The following PLA1A variants were observed in gnomAD, a reference collection of about 807,000 sequenced individuals.
The protein encoded by PLA1A is phosphatidylserine-specific phospholipase A1alpha.
In PLA1A, 47 loss-of-function variants were observed where a neutral mutation model predicts 49.4. That is an observed-to-expected ratio of 0.95 (90% CI 0.75 to 1.21). The LOEUF (loss-of-function observed/expected upper bound fraction) is 1.21. Among genes scored for constraint, PLA1A ranks in the 50% most tolerant of loss-of-function variants. The probability of loss-of-function intolerance (pLI) is 0.00; values close to 1 mark genes in which losing one functional copy is unlikely to be tolerated. For missense variants in PLA1A, 561 were observed against 563.9 expected, an observed-to-expected ratio of 0.99 and a Z score of 0.05; for synonymous variants, 224 against 207.9, an observed-to-expected ratio of 1.08 and a Z score of -0.67.
intron 8 of PLA1A, among the ~76,000 whole-genome samples, chr3:119,620,694 A>G (rs2082917170): frequency 6.6e-6 from 1 of 152,220 alleles, no homozygotes; most frequent in African/African-American, 2.4e-5. Flanking sequence ...CCCTTAGTCA[A>G]TCAGAGAATT....
intron 5 of PLA1A, among the ~76,000 whole-genome samples, chr3:119,613,800 A>G (rs962786492): frequency 8.5e-5 from 13 of 152,162 alleles, no homozygotes; most frequent in East Asian, 3.9e-4. Flanking sequence ...GGCTGAGGCA[A>G]GAGAATGGCG....
rs143661120 is a variant in PLA1A, at chr3:119,617,992, C to A, written c.755-27C>A. 4.5e-6 allele frequency: 7 copies of A among 1,566,242 alleles called. No homozygotes were observed. The African/African-American group carries it at 9.6e-5, about 21-fold the overall frequency. On this transcript the variant is annotated intron_variant, in intron 6 of 10. Transcript: ENST00000273371. ...AGATTTCCATTTGTCTTGACTGAAA[C>A]CTTGGTTGTGTTTTTTCTCTGTTCA... is the stretch of plus-strand genomic sequence containing the variant.
intron 1 of PLA1A, among the ~76,000 whole-genome samples, chr3:119,606,474 G>A (rs1442031346): frequency 6.6e-6 from 1 of 152,128 alleles, no homozygotes; most frequent in African/African-American, 2.4e-5. Flanking sequence ...ATGAATTTTG[G>A]GGGATGAGAC....
chr3:119,615,479 T>C (rs1336593267), intron 5 of PLA1A, among the ~76,000 whole-genome samples: 2 of 152,226 alleles, frequency 1.3e-5, no homozygotes, highest in African/African-American at 2.4e-5. Flanking sequence ...TGTTACAGGA[T>C]ATTGTTCTTG....
In PLA1A at chr3:119,616,026, AT is replaced by A. The variant is rs2082843458; in HGVS notation, c.681del (p.Val229LeufsTer28). 1 of 1,611,836 alleles carries A rather than the reference AT, an allele frequency of 6.2e-7. No individual in the cohort carries two copies. The highest frequency in any genetic ancestry group is 1.1e-5 in the South Asian group (1 of 91,022). On this transcript the variant is annotated frameshift_variant, in exon 6 of 11. Transcript: ENST00000273371. LOFTEE classifies it high-confidence loss of function. ...HTDTDNLGIR[I>X]PVGHVDYFVN... ...CCTCCTTTCAGATTTGGGTATTCGG[AT>A]TCCCGTTGGACATGTGGACTACTTC...
chr3:119,600,609 C>T (rs188483603), intron 1 of PLA1A, among the ~76,000 whole-genome samples: 3 of 152,208 alleles, frequency 2.0e-5, no homozygotes, highest in Non-Finnish European at 4.4e-5. Flanking sequence ...TTCAATAAGC[C>T]AAAAGCCTTG....
In PLA1A at chr3:119,614,605, CAAAAAAAAAAAAAA is replaced by C. The variant is rs57980425; in HGVS notation, c.665-1396_665-1383del. On this transcript the variant is annotated intron_variant, in intron 5 of 10. Transcript: ENST00000273371. Reference sequence around the variant, plus strand: ...TGGGTGACAGAGTGAGACTTCGTCTCAAAAAAAAAAAAAAAAAAAAAAAAGTGAATCCTTTCTAT... The same window carrying C: ...TGGGTGACAGAGTGAGACTTCGTCTCAAAAAAAAAAGTGAATCCTTTCTAT... Among the ~76,000 whole-genome samples the C allele has an allele frequency of 1.9e-4, 13 of 67,998 alleles. No individual in the cohort carries two copies. The East Asian group carries it at 4.6e-3, about 24-fold the overall frequency. 44.6% of individuals were successfully genotyped at this position (67,998 alleles called of 152,430 possible). A position where few individuals can be genotyped will look rare whatever the true frequency, so the allele number is the denominator to read the frequency against.
chr3:119,600,579 G>C (rs2082605482), intron 1 of PLA1A, among the ~76,000 whole-genome samples: 1 of 152,126 alleles, frequency 6.6e-6, no homozygotes, highest in South Asian at 2.1e-4. Flanking sequence ...CCTCACCCAG[G>C]CCCAGGCACA....
At chr3:119,615,847 A>AAAAGG (rs540836432) in intron 5 of PLA1A, among the ~76,000 whole-genome samples, 165 bp from the exon 6 acceptor site, 251 of 151,688 alleles carry the variant, frequency 1.7e-3, no homozygotes, top group Non-Finnish European at 2.6e-3. Flanking sequence ...AAAAGAAAAG[A>AAAAGG]AAAGAAAAGA....
chr3:119,600,281 A>G, intron 1 of PLA1A: 2 of 658,904 alleles, frequency 3.0e-6, no homozygotes, highest in East Asian at 5.4e-5. Flanking sequence ...AGTCACACCT[A>G]GTTTTTCCTT....
chr3:119,608,129 A>C (rs939745898), intron 2 of PLA1A, among the ~76,000 whole-genome samples: 1 of 151,958 alleles, frequency 6.6e-6, no homozygotes, highest in African/African-American at 2.4e-5. Context: ...ATGCTTGCTG[A>C]ATAAATCAGT....
At chr3:119,607,074 AC>A in intron 2 of PLA1A, 99 bp downstream of exon 2, 1 of 916,222 alleles carries the variant, frequency 1.1e-6, no homozygotes, top group Non-Finnish European at 1.8e-6. Context: ...GAATGAATTT[AC>A]CAATGGCCAC....
intron 8 of PLA1A, 65 bp downstream of exon 8, chr3:119,619,717 G>T: frequency 4.5e-6 from 5 of 1,102,996 alleles, no homozygotes; most frequent in Non-Finnish European, 7.0e-6. Context: ...CCAGCCCAGT[G>T]TGGTAGCCTG....
rs146515048 is a variant in PLA1A, at chr3:119,629,430, G to A, written c.1333G>A (p.Val445Met). The change falls in exon 11 of 11, where the codon GTG becomes ATG. Residue 445 changes from valine (V) to methionine (M), a missense_variant. By Grantham distance (21) the Val-to-Met change is conservative. Coordinates refer to ENST00000273371, the MANE Select transcript of PLA1A (RefSeq NM_015900.4). The part of the protein sequence containing the change: ...LPEPVNLQAS[V>M]TVSCDLKIAC... ...TGAACCAGTGAACTTACAAGCAAGT[G>A]TGACTGTTTCCTGTGACCTGAAGAT... The A allele has an allele frequency of 9.5e-5, 153 of 1,611,732 alleles. No homozygotes were observed. The highest frequency in any genetic ancestry group is 5.0e-4 in the Middle Eastern group (3 of 6,052).
intron 8 of PLA1A, among the ~76,000 whole-genome samples, chr3:119,622,134 AGAGGAG>A (rs1301974915): frequency 2.8e-5 from 4 of 145,440 alleles, no homozygotes; most frequent in Admixed American, 1.4e-4. Context: ...AAGAAGAGGA[AGAGGAG>A]GAGGAGGAGG....
chr3:119,619,967 T>G (rs763467028), intron 8 of PLA1A: 15 of 449,202 alleles, frequency 3.3e-5, no homozygotes, highest in Admixed American at 2.3e-4. Flanking sequence ...GCACTCTCAT[T>G]TCCCACTTCT....
Position 119,625,119 on chromosome 3 carries a change from C to A in PLA1A, c.1013-5C>A. ...GCCAGTCTCTGTTGTGCTTTGGTTT[C>A]CTAGTGCATCACAGCCTCGTGGAGT... is the stretch of plus-strand genomic sequence containing the variant. On this transcript the variant is annotated splice_region_variant and splice_polypyrimidine_tract_variant and intron_variant, in intron 8 of 10. Coordinates refer to ENST00000273371, the MANE Select transcript of PLA1A (RefSeq NM_015900.4). 6.3e-7 allele frequency: 1 copy of A among 1,598,058 alleles called. No individual in the cohort carries two copies. The highest frequency in any genetic ancestry group is 1.1e-5 in the South Asian group (1 of 90,766).
At chr3:119,616,154 C>A in intron 6 of PLA1A, 53 bp downstream of exon 6, 1 of 1,138,342 alleles carries the variant, frequency 8.8e-7, no homozygotes, top group Non-Finnish European at 1.3e-6. Flanking sequence ...TTGAAATTCA[C>A]CAACAGCTTT....
At chr3:119,612,958 C>A in intron 4 of PLA1A, 59 bp from the exon 5 acceptor site, 2 of 1,100,240 alleles carry the variant, frequency 1.8e-6, no homozygotes, top group Admixed American at 2.1e-5. Context: ...TGTGGTGGGT[C>A]CATGAATGTT....
Sources: gnomAD v4.1 joint callset for allele counts (sites outside exome capture counted in the v4.1 genomes callset) on GRCh38, gnomAD v4.1.1 for gene constraint, MANE v1.5 for transcripts, NCBI Gene and HGNC (gene_info 2026-07-23, HGNC 2026-07-21) for gene names.